The following STS variants were observed in gnomAD, a reference collection of about 807,000 sequenced individuals.
STS encodes steryl-sulfatase.
STS carries 7 observed loss-of-function variants against 26.8 expected under a neutral mutation model. The ratio of observed to expected loss-of-function variants is 0.26; its 90% confidence interval spans 0.15 to 0.49. STS has a LOEUF of 0.49. Ranked by LOEUF, STS falls within the 20% of genes least tolerant of loss-of-function variation. STS has a pLI of 0.98. For synonymous variants in STS, 199 were observed against 189.4 expected, an observed-to-expected ratio of 1.05 and a Z score of -0.42; for missense variants, 434 against 465.6, an observed-to-expected ratio of 0.93 and a Z score of 0.63.
At position 7,155,969 on chromosome X, in the gene STS, T is replaced by G. The variant is rs747650423; in HGVS notation, c.-134+7886T>G. Among the ~76,000 whole-genome samples, 4 of 110,368 alleles carry G rather than the reference T, an allele frequency of 3.6e-5. No individual in the cohort carries two copies. The East Asian group carries it at 1.1e-3, about 32-fold the overall frequency. On this transcript the variant is annotated intron_variant, in intron 1 of 10. Transcript: ENST00000674429. ...TTCAAGACCAGCCTGGGCAACATGG[T>G]GAAACCCCATCTCTACAAAAAAAAT... is the stretch of plus-strand genomic sequence containing the variant.
intron 1 of STS, among the ~76,000 whole-genome samples, chrX:7,169,496 T>C (rs1933420047): frequency 2.7e-5 from 3 of 112,555 alleles, no homozygotes; most frequent in African/African-American, 9.7e-5. Context: ...GCTGTGAACA[T>C]TGATGTACAA....
At chrX:7,347,151 TG>T (rs1161729164) in intron 10 of STS, among the ~76,000 whole-genome samples, 1 of 111,841 alleles carries the variant, frequency 8.9e-6, no homozygotes, top group Admixed American at 9.5e-5. Flanking sequence ...GTGACTGAGC[TG>T]TGCTATTTAT....
chrX:7,154,502 C>T (rs1203995787), intron 1 of STS, among the ~76,000 whole-genome samples: 2 of 112,356 alleles, frequency 1.8e-5, no homozygotes, highest in Non-Finnish European at 3.7e-5. Flanking sequence ...TCTGTTACTT[C>T]ATTGACTCGG....
intron 10 of STS, among the ~76,000 whole-genome samples, chrX:7,339,794 A>G (rs1928198086): frequency 8.9e-6 from 1 of 112,042 alleles, no homozygotes; most frequent in African/African-American, 3.2e-5. Context: ...AAATCACCAC[A>G]TAAATAGATT....
intron 1 of STS, among the ~76,000 whole-genome samples, chrX:7,169,153 C>T (rs757811297): frequency 2.7e-4 from 30 of 110,795 alleles, no homozygotes; most frequent in African/African-American, 9.5e-4. Flanking sequence ...CATACCCCCA[C>T]CCCTGGGAAA....
At chrX:7,259,243 A>C in intron 5 of STS, 106 bp from the exon 6 acceptor site, 1 of 877,041 alleles carries the variant, frequency 1.1e-6, no homozygotes, top group Non-Finnish European at 1.7e-6. Context: ...GGCTAGCTTC[A>C]TGAAATAGTC....
At chrX:7,322,957 C>G (rs1205306122) in intron 8 of STS, among the ~76,000 whole-genome samples, 1 of 111,947 alleles carries the variant, frequency 8.9e-6, no homozygotes, top group African/African-American at 3.2e-5. Flanking sequence ...TCATAGGCAC[C>G]AAGCCTGTTT....
chrX:7,206,651 C>T (rs1266500045), intron 2 of STS, among the ~76,000 whole-genome samples: 1 of 111,510 alleles, frequency 9.0e-6, no homozygotes, highest in African/African-American at 3.3e-5. Context: ...CATTCCAAAC[C>T]AACATAGAGC....
At chrX:7,198,224 G>T (rs1241296579) in intron 2 of STS, among the ~76,000 whole-genome samples, 1 of 110,846 alleles carries the variant, frequency 9.0e-6, no homozygotes, top group Admixed American at 9.6e-5. Context: ...TTTAAGGGAG[G>T]TAGGGGGTTA....
intron 2 of STS, among the ~76,000 whole-genome samples, chrX:7,252,657 G>A (rs1223164366): frequency 8.9e-6 from 1 of 111,903 alleles, no homozygotes; most frequent in African/African-American, 3.3e-5. Flanking sequence ...GTGTGTTCAA[G>A]CCACCATCCT....
At chrX:7,216,277 A>G (rs1401039066) in intron 2 of STS, among the ~76,000 whole-genome samples, 2 of 111,884 alleles carry the variant, frequency 1.8e-5, no homozygotes, top group African/African-American at 6.5e-5. Context: ...TGCTACATCA[A>G]GGGCTGTGAT....
chrX:7,277,223 C>G (rs1266064448), intron 7 of STS, among the ~76,000 whole-genome samples: 2 of 112,221 alleles, frequency 1.8e-5, no homozygotes, highest in Non-Finnish European at 3.8e-5. Context: ...TGTCCATATT[C>G]CAGTACTCGC....
intron 1 of STS, among the ~76,000 whole-genome samples, chrX:7,189,205 C>G (rs1272738182): frequency 9.0e-6 from 1 of 110,940 alleles, no homozygotes; most frequent in Non-Finnish European, 1.9e-5. Context: ...AAAGCATAAA[C>G]AATAGATTTA....
chrX:7,353,528 A>G lies in STS; in HGVS notation c.*3267A>G, dbSNP rs754385158. On this transcript the variant is annotated 3_prime_UTR_variant, in exon 11 of 11. Coordinates refer to ENST00000674429, the MANE Select transcript of STS (RefSeq NM_001320752.2). ...AGTCTTACTGGGCCCTGGGGAAGGT[A>G]TCCTACCCTGGTGAAGCAGCTGCTT... is the stretch of plus-strand genomic sequence containing the variant. 8.1e-5 allele frequency: 9 copies of G among 110,755 alleles called. No homozygotes were observed. The highest frequency in any genetic ancestry group is 2.9e-4 in the African/African-American group (9 of 30,509). 9.1% of individuals were successfully genotyped at this position (110,755 alleles called of 1,213,427 possible).
intron 1 of STS, among the ~76,000 whole-genome samples, chrX:7,153,243 T>C (rs1933055006): frequency 9.4e-6 from 1 of 106,527 alleles, no homozygotes; most frequent in African/African-American, 3.4e-5. Context: ...TCCCTCCCTT[T>C]CTTTCCTCCT....
At position 7,190,973 on chromosome X, in the gene STS, G is replaced by A; in HGVS notation, c.-40G>A. The A allele has an allele frequency of 2.7e-6, 2 of 753,444 alleles. No individual in the cohort carries two copies. Among genetic ancestry groups the A allele is most frequent in the Non-Finnish European group, 3.1e-6 (2 of 639,009 alleles). The allele number at this position is 753,444 out of a possible 1,213,427, so 62.1% of individuals were successfully genotyped here. Reference sequence around the variant, plus strand: ...CTCAGTAAGTTAAGATCTTCCTGAGGACAATGGCGCAAGATCGTCTTCAGC... The same window carrying A: ...CTCAGTAAGTTAAGATCTTCCTGAGAACAATGGCGCAAGATCGTCTTCAGC... On this transcript the variant is annotated 5_prime_UTR_variant, in exon 2 of 11. Transcript: ENST00000674429.
At chrX:7,237,380 C>A (rs1922372598) in intron 2 of STS, among the ~76,000 whole-genome samples, 1 of 111,322 alleles carries the variant, frequency 9.0e-6, no homozygotes. Flanking sequence ...GAACTCCTGG[C>A]CTCAAGTGAT....
At chrX:7,279,292 A>AAT (rs1187465371) in intron 7 of STS, among the ~76,000 whole-genome samples, 928 of 62,726 alleles carry the variant, frequency 0.015, 35 homozygotes, top group Admixed American at 0.084. Context: ...AAAAAAAAAA[A>AAT]ATATATATAT....
chrX:7,201,547 T>G (rs1366863532), intron 2 of STS, among the ~76,000 whole-genome samples: 1 of 110,375 alleles, frequency 9.1e-6, no homozygotes, highest in Non-Finnish European at 1.9e-5. Context: ...CTCCACCTAG[T>G]GAATGAAATT....
Sources: gnomAD v4.1 joint callset for allele counts (sites outside exome capture counted in the v4.1 genomes callset) on GRCh38, gnomAD v4.1.1 for gene constraint, MANE v1.5 for transcripts, NCBI Gene and HGNC (gene_info 2026-07-23, HGNC 2026-07-21) for gene names.